Variants in FEM1C observed in about 807,000 individuals in gnomAD.
FEM1C encodes protein fem-1 homolog C.
FEM1C carries 15 observed loss-of-function variants against 37.6 expected under a neutral mutation model. The observed-to-expected ratio is 0.40, with a 90% CI of 0.27 to 0.61. The LOEUF (loss-of-function observed/expected upper bound fraction) is 0.61, where lower values mean the gene tolerates loss of function less well. FEM1C is among the 20% of genes least tolerant of loss of function. The probability of loss-of-function intolerance (pLI) is 0.42; values close to 1 mark genes in which losing one functional copy is unlikely to be tolerated. For missense variants in FEM1C, 532 were observed against 749.7 expected, an observed-to-expected ratio of 0.71 and a Z score of 3.39; for synonymous variants, 287 against 272.8, an observed-to-expected ratio of 1.05 and a Z score of -0.51.
chr5:115,539,040 C>G (rs1050926699), intron 2 of FEM1C, among the ~76,000 whole-genome samples: 1 of 151,956 alleles, frequency 6.6e-6, no homozygotes, highest in East Asian at 1.9e-4. Context: ...TGTGACACCT[C>G]GTATCTTCTC....
At chr5:115,537,852 A>G (rs2127173831) in intron 2 of FEM1C, among the ~76,000 whole-genome samples, 1 of 152,192 alleles carries the variant, frequency 6.6e-6, no homozygotes, top group Non-Finnish European at 1.5e-5. Context: ...ATAGTACTAA[A>G]GTATACTAAA....
chr5:115,537,211 T>C (rs1754147266), intron 2 of FEM1C, among the ~76,000 whole-genome samples: 1 of 152,022 alleles, frequency 6.6e-6, no homozygotes. Flanking sequence ...CTCAACAGCA[T>C]AAATCTATGT....
rs142240969 is a variant in FEM1C, at chr5:115,530,595, A to G, written c.545-4978T>C. 4.5e-4 allele frequency among the ~76,000 whole-genome samples: 68 copies of G among 152,264 alleles called. 1 individual carries two copies. In the East Asian group the frequency reaches 0.012, roughly 26 times the overall value. ...TTTTGCCCCCAGGGATACAGGGAGC[A>G]TATCCAAATACTGACCATATTCTTG... On this transcript the variant is annotated intron_variant, in intron 2 of 2. Coordinates refer to ENST00000274457, the MANE Select transcript of FEM1C (RefSeq NM_020177.3).
chr5:115,543,985 G>C (rs1436381921), intron 1 of FEM1C: 3 of 985,266 alleles, frequency 3.0e-6, no homozygotes, highest in Non-Finnish European at 3.6e-6. Flanking sequence ...GTTTTGCTTT[G>C]CACACGCCCA....
chr5:115,538,888 C>A (rs2127174365), intron 2 of FEM1C, among the ~76,000 whole-genome samples: 1 of 152,062 alleles, frequency 6.6e-6, no homozygotes, highest in African/African-American at 2.4e-5. Flanking sequence ...AGATCTAAAC[C>A]CCAACCTGTC....
intron 2 of FEM1C, 68 bp downstream of exon 2, chr5:115,542,882 A>C: frequency 6.5e-7 from 1 of 1,546,628 alleles, no homozygotes; most frequent in Non-Finnish European, 8.7e-7. Flanking sequence ...ACCAGTGCTT[A>C]TAATGATGTA....
chr5:115,536,921 T>C (rs1394859998), intron 2 of FEM1C, among the ~76,000 whole-genome samples: 1 of 151,944 alleles, frequency 6.6e-6, no homozygotes, highest in African/African-American at 2.4e-5. Context: ...TGAGTCTCGA[T>C]GTTAAGTAGA....
chr5:115,522,599 C>T lies in FEM1C; in HGVS notation c.*1709G>A, dbSNP rs1206230866. On this transcript the variant is annotated 3_prime_UTR_variant, in exon 3 of 3. Transcript: ENST00000274457. ...ACTACTCCTCATTACAAGGTTTTTA[C>T]TGACTAAAGATGATGACATACCTAA... 1 of 151,942 alleles carries T rather than the reference C, an allele frequency of 6.6e-6. No homozygotes were observed. The highest frequency in any genetic ancestry group is 1.5e-5 in the Non-Finnish European group (1 of 67,860). 9.4% of individuals were successfully genotyped at this position (151,942 alleles called of 1,614,324 possible). A position where few individuals can be genotyped will look rare whatever the true frequency, so the allele number is the denominator to read the frequency against.
intron 2 of FEM1C, among the ~76,000 whole-genome samples, chr5:115,537,131 A>G (rs1451777188): frequency 6.6e-6 from 1 of 152,042 alleles, no homozygotes; most frequent in Non-Finnish European, 1.5e-5. Context: ...TTTGCATCCA[A>G]CTGACTTTTT....
chr5:115,530,401 T>G lies in FEM1C; in HGVS notation c.545-4784A>C, dbSNP rs574627027. 1.8e-3 allele frequency among the ~76,000 whole-genome samples: 277 copies of G among 152,190 alleles called. 2 individuals are homozygous for G. Among genetic ancestry groups the G allele is most frequent in the African/African-American group, 6.3e-3 (261 of 41,566 alleles). On this transcript the variant is annotated intron_variant, in intron 2 of 2. Transcript: ENST00000274457. ...AGAATTAAGTTACGTAAAGTAAAAA[T>G]CGACAGAACTACTAGGAAAGCAAAC...
rs1178208608 is a variant in FEM1C, at chr5:115,522,086, A to T, written c.*2222T>A. On this transcript the variant is annotated 3_prime_UTR_variant, in exon 3 of 3. Coordinates refer to ENST00000274457, the MANE Select transcript of FEM1C (RefSeq NM_020177.3). ...ATTCAAATTCTGCTGCAAAACAGTG[A>T]GATGTGCCTCACTATAAGAGCATGT... 6.6e-6 allele frequency: 1 copy of T among 151,846 alleles called. No homozygotes were observed. The highest frequency in any genetic ancestry group is 1.5e-5 in the Non-Finnish European group (1 of 67,814). 9.4% of individuals were successfully genotyped at this position (151,846 alleles called of 1,614,324 possible).
At chr5:115,530,451 A>T (rs757057166) in intron 2 of FEM1C, among the ~76,000 whole-genome samples, 3 of 152,178 alleles carry the variant, frequency 2.0e-5, no homozygotes, top group Admixed American at 6.5e-5. Flanking sequence ...TAGTACATCT[A>T]AACATATCTT....
rs1753834585 is a variant in FEM1C at position 115,524,223 on chromosome 5, A to G, written c.*85T>C. 9.4e-7 allele frequency: 1 copy of G among 1,059,578 alleles called. No homozygotes were observed. 65.6% of individuals were successfully genotyped at this position (1,059,578 alleles called of 1,614,324 possible). A position where few individuals can be genotyped will look rare whatever the true frequency, so the allele number is the denominator to read the frequency against. Reference sequence around the variant, plus strand: ...CAATGATATCAATCAAGCTAAATGAATGCTGGTGTTATCACAACAGTGCTC... The same window carrying G: ...CAATGATATCAATCAAGCTAAATGAGTGCTGGTGTTATCACAACAGTGCTC... On this transcript the variant is annotated 3_prime_UTR_variant, in exon 3 of 3. Coordinates refer to ENST00000274457, the MANE Select transcript of FEM1C (RefSeq NM_020177.3).
chr5:115,525,939 T>C (rs1308553761), intron 2 of FEM1C, among the ~76,000 whole-genome samples: 2 of 152,144 alleles, frequency 1.3e-5, no homozygotes, highest in East Asian at 3.9e-4. Flanking sequence ...TAAAAATCGG[T>C]AGAATACAAA....
At position 115,524,998 on chromosome 5, in the gene FEM1C, T is replaced by C. The variant is rs1209959855; in HGVS notation, c.1164A>G (p.Glu388=). The C allele has an allele frequency of 5.0e-6, 8 of 1,613,720 alleles. No homozygotes were observed. The highest frequency in any genetic ancestry group is 1.7e-6 in the Non-Finnish European group (2 of 1,179,838). ...TATCCTGTAGCATAAAGGAGAATAG[T>C]TCTGCAAAAGATAATAAGCTGCTGG... The part of the protein sequence containing the change: ...MTASSLLSFA[E]LFSFMLQDRA... Residue 388 remains glutamate, a synonymous_variant, in exon 3 of 3, where the codon GAA becomes GAG. Transcript: ENST00000274457.
At position 115,524,660 on chromosome 5, in the gene FEM1C, G is replaced by C; in HGVS notation, c.1502C>G (p.Pro501Arg). The stretch of plus-strand genomic sequence containing the variant: ...TTGTAGAGATGGAAATTTACAAACA[G>C]GGTACCGCCCTACACATGTAGTATT... ...DKNTTCVGRY[P>R]VCKFPSLQVT... is the part of the protein sequence containing the mutation. Residue 501 changes from proline to arginine, a missense_variant, in exon 3 of 3, where the codon CCT becomes CGT. Transcript: ENST00000274457. 1 of 1,567,954 alleles carries C rather than the reference G, an allele frequency of 6.4e-7. No individual in the cohort carries two copies. The highest frequency in any genetic ancestry group is 8.6e-7 in the Non-Finnish European group (1 of 1,159,870).
rs1297924894 is a variant in FEM1C, at chr5:115,543,747, A to T, written c.-190-64T>A. 1.2e-5 allele frequency: 16 copies of T among 1,286,746 alleles called. No homozygotes were observed. In the East Asian group the frequency reaches 5.3e-4, roughly 43 times the overall value. The allele number at this position is 1,286,746 out of a possible 1,614,324, so 79.7% of individuals were successfully genotyped here. ...TATAGAAGAAGGCAAAACACTTCTT[A>T]ATTTCCACTTCTGTGGGAAGAAAGG... On this transcript the variant is annotated intron_variant, in intron 1 of 2. Coordinates refer to ENST00000274457, the MANE Select transcript of FEM1C (RefSeq NM_020177.3).
rs902358925 is a variant in FEM1C, at chr5:115,522,025, T to C, written c.*2283A>G. 5.3e-5 allele frequency: 8 copies of C among 151,874 alleles called. No individual in the cohort carries two copies. The highest frequency in any genetic ancestry group is 1.7e-4 in the African/African-American group (7 of 41,410). 9.4% of individuals were successfully genotyped at this position (151,874 alleles called of 1,614,324 possible). ...TATTTTTACTGGTGCAAAAATGCTA[T>C]TTAAAGAAATCCTTACTTTACACAG... On this transcript the variant is annotated 3_prime_UTR_variant, in exon 3 of 3. Coordinates refer to ENST00000274457, the MANE Select transcript of FEM1C (RefSeq NM_020177.3).
At chr5:115,536,114 T>G (rs976417544) in intron 2 of FEM1C, among the ~76,000 whole-genome samples, 16 of 151,892 alleles carry the variant, frequency 1.1e-4, no homozygotes, top group Non-Finnish European at 5.9e-5. Context: ...GATATGAGAT[T>G]TTTTCCGGGG....
Sources: gnomAD v4.1 joint callset for allele counts (sites outside exome capture counted in the v4.1 genomes callset) on GRCh38, gnomAD v4.1.1 for gene constraint, MANE v1.5 for transcripts, NCBI Gene and HGNC (gene_info 2026-07-23, HGNC 2026-07-21) for gene names.